Variants in ROBO1 observed in about 807,000 individuals in gnomAD.
ROBO1 encodes the protein roundabout homolog 1.
Under a neutral mutation model 195.9 loss-of-function variants are expected in ROBO1, and 149 were observed. That is an observed-to-expected ratio of 0.76 (90% confidence interval 0.67 to 0.87). ROBO1 has a LOEUF of 0.87. Among genes scored for constraint, ROBO1 ranks in the 40% least tolerant of loss-of-function variants. ROBO1 has a pLI of 0.00. For synonymous variants in ROBO1, 816 were observed against 733.2 expected (o/e 1.11, Z -1.82); for missense variants, 1,933 against 2,068.3 (o/e 0.93, Z 1.27).
At chr3:78,655,788 C>G (rs895077125) in intron 18 of ROBO1, among the ~76,000 whole-genome samples, 3 of 152,148 alleles carry the variant, frequency 2.0e-5, no homozygotes, top group Admixed American at 1.3e-4. Flanking sequence ...TACAAAGCTT[C>G]ATACATCTGA....
At chr3:79,574,813 T>C (rs1247914466) in intron 2 of ROBO1, among the ~76,000 whole-genome samples, 6 of 151,758 alleles carry the variant, frequency 4.0e-5, no homozygotes, top group Admixed American at 4.0e-4. Context: ...AAGTGCATTA[T>C]GACATATCAT....
intron 1 of ROBO1, among the ~76,000 whole-genome samples, chr3:79,619,650 A>C (rs959360374): frequency 5.9e-5 from 9 of 152,116 alleles, no homozygotes; most frequent in Admixed American, 1.3e-4. Context: ...GTCAGGGTAC[A>C]TGTGCCTTTT....
intron 1 of ROBO1, among the ~76,000 whole-genome samples, chr3:79,616,518 C>A (rs775702074): frequency 3.3e-5 from 5 of 152,038 alleles, no homozygotes; most frequent in Non-Finnish European, 7.4e-5. Context: ...TACTTTGGGA[C>A]ATAGGAAACC....
Position 79,125,574 on chromosome 3 carries a change from C to G in ROBO1, c.89-35G>C, listed in dbSNP as rs1191707275. On this transcript the variant is annotated intron_variant, in intron 2 of 30. Transcript: ENST00000464233. ...ACAACACCAGAGCTGCTGATGGGGT[C>G]ACAGTAGTAACAGTAGTTGCCATTT... is the stretch of plus-strand genomic sequence containing the variant. 3.3e-6 allele frequency: 5 copies of G among 1,536,758 alleles called. No individual in the cohort carries two copies. The African/African-American group carries it at 4.1e-5, about 13-fold the overall frequency.
At chr3:79,020,611 G>T (rs2078080194) in intron 3 of ROBO1, among the ~76,000 whole-genome samples, 1 of 152,172 alleles carries the variant, frequency 6.6e-6, no homozygotes, top group African/African-American at 2.4e-5. Flanking sequence ...AGAATTGCTT[G>T]AGCCCAGGAG....
In ROBO1 at chr3:78,635,922, G is replaced by C. The variant is rs769214887; in HGVS notation, c.3224C>G (p.Thr1075Ser). The C allele has an allele frequency of 6.2e-7, 1 of 1,613,920 alleles. No individual in the cohort carries two copies. The highest frequency in any genetic ancestry group is 1.1e-5 in the South Asian group (1 of 91,082). Reference sequence around the variant, plus strand: ...GAGGTTTGACTGGATGAGCTGAGTGGTGGCGTAAGGAGTAGGCTGCCCTGA... The same window carrying C: ...GAGGTTTGACTGGATGAGCTGAGTGCTGGCGTAAGGAGTAGGCTGCCCTGA... The part of the protein sequence containing the change: ...NPSGQPTPYA[T>S]TQLIQSNLSN... Residue 1075 changes from threonine (T) to serine (S), a missense_variant, in exon 23 of 31, where the codon ACC becomes AGC. Physicochemically the swap from Thr to Ser is moderately conservative, Grantham distance 58 (BLOSUM62 1). Around this residue, in one of 3 missense-constraint regions of ROBO1, gnomAD observed 1,737 missense variants for 1,882.5 expected, o/e 0.92. Coordinates refer to ENST00000464233, the MANE Select transcript of ROBO1 (RefSeq NM_002941.4).
At chr3:79,704,422 T>C (rs1947708314) in intron 1 of ROBO1, among the ~76,000 whole-genome samples, 1 of 152,020 alleles carries the variant, frequency 6.6e-6, no homozygotes, top group Non-Finnish European at 1.5e-5. Context: ...GAATATCATA[T>C]GACTAGAATC....
intron 3 of ROBO1, among the ~76,000 whole-genome samples, chr3:78,997,464 C>T (rs1225621686): frequency 6.6e-6 from 1 of 152,146 alleles, no homozygotes; most frequent in Admixed American, 6.6e-5. Flanking sequence ...CAGTAATTCA[C>T]TCTTCTGTGC....
At chr3:79,620,001 C>G (rs913107053) in intron 1 of ROBO1, among the ~76,000 whole-genome samples, 1 of 152,148 alleles carries the variant, frequency 6.6e-6, no homozygotes, top group Non-Finnish European at 1.5e-5. Flanking sequence ...GAAACCCCAG[C>G]CACATCTCCA....
intron 2 of ROBO1, among the ~76,000 whole-genome samples, chr3:79,344,978 T>A (rs1454817522): frequency 6.6e-6 from 1 of 152,184 alleles, no homozygotes; most frequent in Admixed American, 6.6e-5. Context: ...ACCATGATTA[T>A]AAGTTTCCTG....
intron 2 of ROBO1, among the ~76,000 whole-genome samples, chr3:79,484,492 CAT>C (rs751905906): frequency 7.5e-4 from 113 of 151,226 alleles, no homozygotes; most frequent in Middle Eastern, 6.8e-3. Context: ...GGATTTCAGG[CAT>C]ATATATATAT....
intron 2 of ROBO1, among the ~76,000 whole-genome samples, chr3:79,423,197 T>C (rs919620844): frequency 9.2e-5 from 14 of 152,266 alleles, no homozygotes; most frequent in South Asian, 6.2e-4. Context: ...GGTTTCACCA[T>C]TCATAGACCA....
chr3:79,761,181 A>T (rs984323350), intron 1 of ROBO1, among the ~76,000 whole-genome samples: 4 of 148,774 alleles, frequency 2.7e-5, no homozygotes, highest in African/African-American at 4.9e-5. Context: ...ATATACTTAT[A>T]GTATTTATAG....
intron 3 of ROBO1, among the ~76,000 whole-genome samples, chr3:78,977,050 T>TAAAACA (rs1254125362): frequency 6.6e-6 from 1 of 152,088 alleles, no homozygotes; most frequent in African/African-American, 2.4e-5. Context: ...TCAAAATTGG[T>TAAAACA]AAAACAAAAA....
chr3:79,235,324 T>C (rs765950294), intron 2 of ROBO1, among the ~76,000 whole-genome samples: 3 of 152,168 alleles, frequency 2.0e-5, no homozygotes, highest in Non-Finnish European at 2.9e-5. Flanking sequence ...GGGAGTGATA[T>C]TGGAGAACAG....
chr3:78,664,917 A>C (rs1373990051), intron 14 of ROBO1, among the ~76,000 whole-genome samples: 2 of 152,176 alleles, frequency 1.3e-5, no homozygotes, highest in African/African-American at 4.8e-5. Context: ...AAGAATAGGC[A>C]AGATATGTGC....
At chr3:78,803,453 G>A (rs2084429808) in intron 4 of ROBO1, among the ~76,000 whole-genome samples, 1 of 152,062 alleles carries the variant, frequency 6.6e-6, no homozygotes, top group African/African-American at 2.4e-5. Context: ...AAATATGATA[G>A]ATTTTTTTAA....
intron 26 of ROBO1, among the ~76,000 whole-genome samples, chr3:78,619,195 A>G (rs1033083014): frequency 8.6e-5 from 13 of 151,970 alleles, no homozygotes; most frequent in African/African-American, 3.1e-4. Flanking sequence ...CACCTCATCA[A>G]ATTTTGCACT....
At chr3:79,061,733 A>G (rs2078921888) in intron 3 of ROBO1, among the ~76,000 whole-genome samples, 1 of 152,192 alleles carries the variant, frequency 6.6e-6, no homozygotes, top group African/African-American at 2.4e-5. Flanking sequence ...CAAACCTGAC[A>G]AAAACAAGCA....
Sources: gnomAD v4.1 joint callset for allele counts (sites outside exome capture counted in the v4.1 genomes callset) on GRCh38, gnomAD v4.1.1 for gene constraint, gnomAD v4.1.1 regional missense constraint, MANE v1.5 for transcripts, NCBI Gene and HGNC (gene_info 2026-07-23, HGNC 2026-07-21) for gene names.